Variants in UBR2 observed in about 807,000 individuals in gnomAD.
UBR2 encodes E3 ubiquitin-protein ligase UBR2.
Under a neutral mutation model 247.9 loss-of-function variants are expected in UBR2, and 92 were observed. The ratio of observed to expected loss-of-function variants is 0.37; its 90% CI spans 0.31 to 0.44. The LOEUF (loss-of-function observed/expected upper bound fraction) is 0.44. UBR2 is among the 20% of genes least tolerant of loss of function. UBR2 has a pLI of 1.00. For missense variants in UBR2, 1,613 were observed against 2,112.6 expected (o/e 0.76, Z 4.64); for synonymous variants, 672 against 693.5 (o/e 0.97, Z 0.49).
chr6:42,654,210 G>GT (rs1797296531), intron 25 of UBR2, among the ~76,000 whole-genome samples: 1 of 152,094 alleles, frequency 6.6e-6, no homozygotes, highest in African/African-American at 2.4e-5. Flanking sequence ...GAGCTGTGGT[G>GT]TACTAGCTCA....
rs542361668 is a variant in UBR2, at chr6:42,691,242, G to A, written c.*69G>A. On this transcript the variant is annotated 3_prime_UTR_variant, in exon 47 of 47. Transcript: ENST00000372901. ...AGTTGGCTTTTTAAGAAAGAAAGAA[G>A]TTCTGCTGAATTTGGAAATAAATTC... is the stretch of plus-strand genomic sequence containing the variant. 6.4e-7 allele frequency: 1 copy of A among 1,571,102 alleles called. No homozygotes were observed. Among genetic ancestry groups the A allele is most frequent in the South Asian group, 1.2e-5 (1 of 84,870 alleles).
chr6:42,624,615 G>A (rs1232024195), intron 11 of UBR2, among the ~76,000 whole-genome samples: 2 of 152,284 alleles, frequency 1.3e-5, no homozygotes, highest in East Asian at 3.9e-4. Context: ...TGAAGGCTTG[G>A]AGGTTAGGGG....
At chr6:42,600,328 G>A (rs796253420) in intron 4 of UBR2, among the ~76,000 whole-genome samples, 4 of 136,020 alleles carry the variant, frequency 2.9e-5, no homozygotes, top group East Asian at 2.2e-4. Context: ...TGAACATTCT[G>A]TAGCATAAAT....
In UBR2 at chr6:42,616,755, G is replaced by A. The variant is rs142654468; in HGVS notation, c.1183-654G>A. On this transcript the variant is annotated intron_variant, in intron 10 of 46. Coordinates refer to ENST00000372901, the MANE Select transcript of UBR2 (RefSeq NM_001363705.2). ...ATTTTTTTGCATTCACCTGAATTAC[G>A]AAGTATATGAGAATCACTTGGAGAG... 1.3e-4 allele frequency among the ~76,000 whole-genome samples: 20 copies of A among 151,934 alleles called. No individual in the cohort carries two copies. The East Asian group carries it at 3.5e-3, about 26-fold the overall frequency.
intron 22 of UBR2, among the ~76,000 whole-genome samples, chr6:42,650,031 A>C (rs1415983213): frequency 1.3e-5 from 2 of 152,222 alleles, no homozygotes; most frequent in Non-Finnish European, 1.5e-5. Context: ...TAGACTTTTT[A>C]ATTGTTGCCA....
At chr6:42,656,267 G>GT (rs1271795482) in intron 26 of UBR2, among the ~76,000 whole-genome samples, 3 of 152,190 alleles carry the variant, frequency 2.0e-5, no homozygotes, top group African/African-American at 4.8e-5. Flanking sequence ...TGGTCTGATA[G>GT]TTACCTGCAA....
In UBR2 at chr6:42,581,727, A is replaced by T. The variant is rs77421187; in HGVS notation, c.338+7734A>T. Among the ~76,000 whole-genome samples, 390 of 152,318 alleles carry T rather than the reference A, an allele frequency of 2.6e-3. 2 individuals are homozygous for T. The highest frequency in any genetic ancestry group is 3.8e-3 in the Non-Finnish European group (259 of 68,026). ...TTATCCATGATGTAATGATTATTAG[A>T]AGTTGGTTCCATTTTATTGCTGAGT... On this transcript the variant is annotated intron_variant, in intron 2 of 46. Coordinates refer to ENST00000372901, the MANE Select transcript of UBR2 (RefSeq NM_001363705.2).
chr6:42,571,286 C>T (rs989271473), intron 1 of UBR2, among the ~76,000 whole-genome samples: 1 of 147,452 alleles, frequency 6.8e-6, no homozygotes, highest in Non-Finnish European at 1.5e-5. Context: ...CTAAAGTAAC[C>T]TTTCATTCTT....
chr6:42,603,833 C>A, intron 5 of UBR2, 115 bp downstream of exon 5: 1 of 1,082,804 alleles, frequency 9.2e-7, no homozygotes, highest in Non-Finnish European at 1.3e-6. Flanking sequence ...GAACAATAAC[C>A]TCAATTTTAT....
chr6:42,632,956 C>A, intron 13 of UBR2, 52 bp downstream of exon 13: 18 of 929,378 alleles, frequency 1.9e-5, no homozygotes, highest in South Asian at 2.8e-5. Context: ...TTTCTCTTTT[C>A]TCTTTTTTTT....
chr6:42,662,150 CTTTTGTTTTG>C (rs528521899), intron 30 of UBR2, 24 bp from the exon 31 acceptor site: 44 of 1,353,400 alleles, frequency 3.3e-5, no homozygotes, highest in South Asian at 8.7e-5. Context: ...AAATGCTTCA[CTTTTGTTTTG>C]TTTTGTTTTG....
chr6:42,676,125 G>A lies in UBR2; in HGVS notation c.4321G>A (p.Asp1441Asn). The A allele has an allele frequency of 1.2e-6, 2 of 1,613,720 alleles. No individual in the cohort carries two copies. Among genetic ancestry groups the A allele is most frequent in the Non-Finnish European group, 1.7e-6 (2 of 1,179,954 alleles). ...TTCAGGGATCAGCCTTGGCACTGGA[G>A]ACCTTCACATTTTCCATCTGGTTAC... ...DFSGISLGTGDLHIFHLVTMA... is the reference protein window; with the variant it reads ...DFSGISLGTGNLHIFHLVTMA... The change falls in exon 39 of 47, where the codon GAC (aspartate) becomes AAC (asparagine). Residue 1441 changes from aspartate (D) to asparagine (N), a missense_variant. Coordinates refer to ENST00000372901, the MANE Select transcript of UBR2 (RefSeq NM_001363705.2).
At chr6:42,616,207 A>G (rs1324635759) in intron 10 of UBR2, 117 bp downstream of exon 10, 1 of 607,404 alleles carries the variant, frequency 1.6e-6, no homozygotes, top group Non-Finnish European at 2.7e-6. Flanking sequence ...TTGATATTAA[A>G]TTCTAAGAAA....
chr6:42,619,814 C>A, intron 11 of UBR2: 2 of 374,964 alleles, frequency 5.3e-6, no homozygotes, highest in South Asian at 1.1e-4. Context: ...ACCACCTGGG[C>A]TTAGGCAATC....
chr6:42,597,325 G>A (rs940909515), intron 4 of UBR2, among the ~76,000 whole-genome samples: 7 of 152,058 alleles, frequency 4.6e-5, no homozygotes, highest in South Asian at 2.1e-4. Flanking sequence ...GGCCAGGCGC[G>A]GTGACTCATG....
rs930815639 is a variant in UBR2 at position 42,603,785 on chromosome 6, ATAGGGCATAATCAT to A, written c.662+69_662+82del. 4.9e-6 allele frequency: 7 copies of A among 1,440,982 alleles called. No individual in the cohort carries two copies. The Admixed American group carries it at 1.9e-4, about 39-fold the overall frequency. 89.3% of individuals were successfully genotyped at this position (1,440,982 alleles called of 1,614,324 possible). A position where few individuals can be genotyped will look rare whatever the true frequency, so the allele number is the denominator to read the frequency against. ...AAATTTTAACTTTAACACAGCTAGT[ATAGGGCATAATCAT>A]TTTTTAATAATGAGTTTTTAGCAGA... On this transcript the variant is annotated intron_variant, in intron 5 of 46. Coordinates refer to ENST00000372901, the MANE Select transcript of UBR2 (RefSeq NM_001363705.2).
In UBR2 at chr6:42,632,859, C is replaced by G. The variant is rs1165609952; in HGVS notation, c.1500C>G (p.Phe500Leu). 1 of 1,604,324 alleles carries G rather than the reference C, an allele frequency of 6.2e-7. No homozygotes were observed. The highest frequency in any genetic ancestry group is 8.5e-7 in the Non-Finnish European group (1 of 1,177,142). ...TEWSDELRQK[F>L]LEGFDAFLEL... is the part of the protein sequence containing the mutation. The stretch of plus-strand genomic sequence containing the variant: ...GGTCAGATGAGCTGAGGCAGAAGTT[C>G]CTAGAAGGGTTTGATGCCTTTTTGG... The change falls in exon 13 of 47, where the codon TTC becomes TTG. Residue 500 changes from phenylalanine (F) to leucine (L), a missense_variant. Physicochemically the swap from Phe to Leu is conservative, Grantham distance 22 (BLOSUM62 0). Around this residue, in one of 3 missense-constraint regions of UBR2, gnomAD observed 1,524 missense variants for 1,967.3 expected, o/e 0.77. Coordinates refer to ENST00000372901, the MANE Select transcript of UBR2 (RefSeq NM_001363705.2).
At chr6:42,567,642 T>C (rs541146722) in intron 1 of UBR2, among the ~76,000 whole-genome samples, 2 of 151,670 alleles carry the variant, frequency 1.3e-5, no homozygotes, top group East Asian at 1.9e-4. Flanking sequence ...GGCAGGAGAG[T>C]TGCTTGAACC....
intron 46 of UBR2, among the ~76,000 whole-genome samples, chr6:42,690,428 T>G (rs1165207776): frequency 6.6e-6 from 1 of 152,204 alleles, no homozygotes. Flanking sequence ...AGAGGATGGC[T>G]GTGCTCAGAA....
Sources: gnomAD v4.1 joint callset for allele counts (sites outside exome capture counted in the v4.1 genomes callset) on GRCh38, gnomAD v4.1.1 for gene constraint, gnomAD v4.1.1 regional missense constraint, MANE v1.5 for transcripts, NCBI Gene and HGNC (gene_info 2026-07-23, HGNC 2026-07-21) for gene names.